SEMA6C: variants seen among roughly 807,000 people sequenced by gnomAD.
SEMA6C encodes the protein semaphorin 6C.
SEMA6C carries 37 observed loss-of-function variants against 72.9 expected under a neutral mutation model. The ratio of observed to expected loss-of-function variants is 0.51; its 90% CI spans 0.39 to 0.67. The LOEUF is 0.67. Among genes scored for constraint, SEMA6C ranks in the 30% least tolerant of loss-of-function variants. The pLI, the probability that SEMA6C is intolerant of heterozygous loss-of-function variation, is 0.00. For synonymous variants in SEMA6C, 578 were observed against 554.1 expected (o/e 1.04, Z -0.61); for missense variants, 1,189 against 1,263.6 (o/e 0.94, Z 0.89).
Position 151,142,575 on chromosome 1 carries a change from A to G in SEMA6C, c.47T>C (p.Leu16Pro), listed in dbSNP as rs1232754581. The change falls in exon 3 of 19, where the codon CTG becomes CCG. Residue 16 changes from leucine to proline, a missense_variant. Physicochemically the swap from Leu to Pro is moderately conservative, Grantham distance 98. This residue lies in a region of SEMA6C where 468 missense variants were observed against 577.4 expected (regional missense o/e 0.81). Coordinates refer to ENST00000368914, the MANE Select transcript of SEMA6C (RefSeq NM_030913.6). ...GGCCTGAGTATGGGGAAGTGAGAGC[A>G]GCAGCAGCAGTAGCAGCAAGGGCAT... Reference protein sequence around the residue: ...HFMPLLLLLLLLSLPHTQAAF... With the variant: ...HFMPLLLLLLPLSLPHTQAAF... 2 of 1,608,730 alleles carry G rather than the reference A, an allele frequency of 1.2e-6. No homozygotes were observed. The highest frequency in any genetic ancestry group is 2.2e-5 in the South Asian group (2 of 90,196).
chr1:151,140,134 T>C (rs1682409060), intron 3 of SEMA6C, 44 bp from the exon 4 acceptor site: 1 of 1,514,730 alleles, frequency 6.6e-7, no homozygotes, highest in African/African-American at 1.4e-5. Flanking sequence ...ACCACAAACT[T>C]CCCCAACACC....
At chr1:151,136,652 G>A (rs1682043967) in intron 11 of SEMA6C, 73 bp from the exon 12 acceptor site, 1 of 1,567,534 alleles carries the variant, frequency 6.4e-7, no homozygotes, top group Non-Finnish European at 8.7e-7. Context: ...AGAAGTGGTG[G>A]CACCCTTCAT....
In SEMA6C at chr1:151,135,523, C is replaced by T. The variant is rs936777068; in HGVS notation, c.1433+68G>A. On this transcript the variant is annotated intron_variant, in intron 14 of 18. Coordinates refer to ENST00000368914, the MANE Select transcript of SEMA6C (RefSeq NM_030913.6). ...AATGTTGATGTTTCCAACCTATTCC[C>T]GAATCTGCAGCTGCTACCTCCCATC... 65 of 1,542,150 alleles carry T rather than the reference C, an allele frequency of 4.2e-5. 1 individual carries two copies. In the African/African-American group the frequency reaches 5.6e-4, roughly 13 times the overall value.
At chr1:151,135,119 C>A in intron 15 of SEMA6C, 44 bp downstream of exon 15, 1 of 1,603,380 alleles carries the variant, frequency 6.2e-7, no homozygotes, top group Non-Finnish European at 8.5e-7. Context: ...CTTGCTGGCC[C>A]GGGGAGCTTG....
intron 3 of SEMA6C, 54 bp from the exon 4 acceptor site, chr1:151,140,144 C>T: frequency 6.9e-7 from 1 of 1,448,888 alleles, no homozygotes; most frequent in South Asian, 1.2e-5. Context: ...TCCCCAACAC[C>T]CTCTCCAACC....
In SEMA6C at chr1:151,133,492, G is replaced by A; in HGVS notation, c.1785C>T (p.Ala595=). The A allele has an allele frequency of 6.5e-7, 1 of 1,532,356 alleles. No homozygotes were observed. The highest frequency in any genetic ancestry group is 8.7e-7 in the Non-Finnish European group (1 of 1,143,560). 94.9% of individuals were successfully genotyped at this position (1,532,356 alleles called of 1,614,324 possible). A position where few individuals can be genotyped will look rare whatever the true frequency, so the allele number is the denominator to read the frequency against. Residue 595 remains alanine (A), a synonymous_variant, in exon 19 of 19, where the codon GCC becomes GCT. Coordinates refer to ENST00000368914, the MANE Select transcript of SEMA6C (RefSeq NM_030913.6). This position sits in a 1 kb window ranked among gnomAD's most constrained non-coding sequence, Gnocchi z 5.9. ...AYGVRRDLPP[A]SASRSVPIPL... ...GGATGGGGACGGAGCGGGAGGCCGA[G>A]GCTGGGGGCAGGTCCCGGCGCACGC... is the stretch of plus-strand genomic sequence containing the variant.
rs962913694 is a variant in SEMA6C at position 151,138,322 on chromosome 1, A to G, written c.541T>C (p.Phe181Leu). Residue 181 changes from phenylalanine to leucine, a missense_variant, in exon 8 of 19, where the codon TTT (phenylalanine) becomes CTT (leucine). Phe to Leu is a conservative substitution (Grantham distance 22, BLOSUM62 0). Around this residue, in one of 2 missense-constraint regions of SEMA6C, gnomAD observed 468 missense variants for 577.4 expected, o/e 0.81. Coordinates refer to ENST00000368914, the MANE Select transcript of SEMA6C (RefSeq NM_030913.6). ...FDATQSNVAI[F>L]AEGSLYSATA... ...CACATGCCCAGTTGCACACCTGCAA[A>G]GATGGCCACGTTGGACTGGGTGGCA... The G allele has an allele frequency of 6.2e-7, 1 of 1,613,950 alleles. No homozygotes were observed. The highest frequency in any genetic ancestry group is 8.5e-7 in the Non-Finnish European group (1 of 1,179,898).
chr1:151,137,438 T>A (rs1360184187), intron 10 of SEMA6C, among the ~76,000 whole-genome samples: 9 of 97,278 alleles, frequency 9.3e-5, no homozygotes, highest in South Asian at 7.9e-4. Context: ...AGAGCAAGAC[T>A]CCGTCTCAAA....
chr1:151,133,120 C>A lies in SEMA6C; in HGVS notation c.2157G>T (p.Trp719Cys). 1 of 1,565,972 alleles carries A rather than the reference C, an allele frequency of 6.4e-7. No homozygotes were observed. The highest frequency in any genetic ancestry group is 8.6e-7 in the Non-Finnish European group (1 of 1,167,532). The change falls in exon 19 of 19, where the codon TGG (tryptophan) becomes TGT (cysteine). Residue 719 changes from tryptophan (W) to cysteine (C), a missense_variant. Physicochemically the swap from Trp to Cys is radical, Grantham distance 215 (BLOSUM62 -2). Coordinates refer to ENST00000368914, the MANE Select transcript of SEMA6C (RefSeq NM_030913.6). This position sits in a 1 kb window ranked among gnomAD's most constrained non-coding sequence, Gnocchi z 5.9. Reference sequence around the variant, plus strand: ...CGTTGTTCCTGTTCTGGTTCCACTCCCAGGGGTCCCCGGCGGCGCGGAGGT... The same window carrying A: ...CGTTGTTCCTGTTCTGGTTCCACTCACAGGGGTCCCCGGCGGCGCGGAGGT... ...VKHLRAAGDPWEWNQNRNNAK... is the reference protein window; with the variant it reads ...VKHLRAAGDPCEWNQNRNNAK...
Position 151,136,872 on chromosome 1 carries a change from G to A in SEMA6C, c.959C>T (p.Thr320Ile), listed in dbSNP as rs1682061580. ...HGRSALFGVFTTQTNSIPGSA... is the reference protein window; with the variant it reads ...HGRSALFGVFITQTNSIPGSA... ...TAGTACCAACCTATTGGTCTGGGTG[G>A]TGAAGACCCCAAAGAGAGCAGAGCG... Residue 320 changes from threonine (T) to isoleucine (I), a missense_variant, in exon 11 of 19, where the codon ACC becomes ATC. Thr to Ile is a moderately conservative substitution (Grantham distance 89, BLOSUM62 -1). Transcript: ENST00000368914. The A allele has an allele frequency of 1.2e-6, 2 of 1,613,890 alleles. No homozygotes were observed. Among genetic ancestry groups the A allele is most frequent in the Non-Finnish European group, 1.7e-6 (2 of 1,179,974 alleles).
At chr1:151,136,611 GC>G (rs1259210694) in intron 11 of SEMA6C, 32 bp from the exon 12 acceptor site, 1 of 1,612,930 alleles carries the variant, frequency 6.2e-7, no homozygotes, top group Admixed American at 1.7e-5. Flanking sequence ...CAGGATAGGT[GC>G]TGAAAGGAAC....
At chr1:151,140,808 C>A (rs1459186128) in intron 3 of SEMA6C, among the ~76,000 whole-genome samples, 1 of 152,198 alleles carries the variant, frequency 6.6e-6, no homozygotes, top group Non-Finnish European at 1.5e-5. Context: ...TCCTGGCTAA[C>A]ATGGTGAAAC....
At chr1:151,139,912 A>T in intron 4 of SEMA6C, 64 bp downstream of exon 4, 1 of 1,487,192 alleles carries the variant, frequency 6.7e-7, no homozygotes, top group Non-Finnish European at 9.3e-7. Flanking sequence ...CAGTGGCCAT[A>T]CAGGTCCCAA....
chr1:151,132,173 T>A lies in SEMA6C; in HGVS notation c.*311A>T. ...CGCGCGGCCCGCCCGGGGCACAGTC[T>A]CTGGGGGAGCCCCGAGGGGCGAGTT... On this transcript the variant is annotated 3_prime_UTR_variant, in exon 19 of 19. Transcript: ENST00000368914. 1 of 1,421,400 alleles carries A rather than the reference T, an allele frequency of 7.0e-7. No individual in the cohort carries two copies. Among genetic ancestry groups the A allele is most frequent in the Non-Finnish European group, 9.3e-7 (1 of 1,076,012 alleles). 88.0% of individuals were successfully genotyped at this position (1,421,400 alleles called of 1,614,324 possible).
At chr1:151,143,398 C>T (rs1424025501) in intron 2 of SEMA6C, among the ~76,000 whole-genome samples, 3 of 152,174 alleles carry the variant, frequency 2.0e-5, no homozygotes, top group Admixed American at 6.5e-5. Flanking sequence ...TCTGCCCGAC[C>T]ACTGTGCCAC....
intron 3 of SEMA6C, among the ~76,000 whole-genome samples, chr1:151,141,583 G>A (rs1028256979): frequency 3.3e-5 from 5 of 151,906 alleles, no homozygotes; most frequent in African/African-American, 9.7e-5. Context: ...CTAATTTTTT[G>A]TATTTTTAGT....
Position 151,136,583 on chromosome 1 carries a change from G to A in SEMA6C, c.975-4C>T, listed in dbSNP as rs756424199. On this transcript the variant is annotated splice_region_variant and splice_polypyrimidine_tract_variant and intron_variant, in intron 11 of 18. Transcript: ENST00000368914. ...GCAGACGGCAGAGCCAGGGATGCTGGAGGAGCCAGAAAAGATGCAGGATAG... is the reference window on the plus strand; with the variant it reads ...GCAGACGGCAGAGCCAGGGATGCTGAAGGAGCCAGAAAAGATGCAGGATAG... 1 of 1,613,880 alleles carries A rather than the reference G, an allele frequency of 6.2e-7. No individual in the cohort carries two copies. Among genetic ancestry groups the A allele is most frequent in the Non-Finnish European group, 8.5e-7 (1 of 1,179,928 alleles).
rs1319269144 is a variant in SEMA6C at position 151,146,273 on chromosome 1, C to T, written c.-105+160G>A. 1 of 152,906 alleles carries T rather than the reference C, an allele frequency of 6.5e-6. No homozygotes were observed. The highest frequency in any genetic ancestry group is 1.5e-5 in the Non-Finnish European group (1 of 68,532). The allele number at this position is 152,906 out of a possible 1,614,324, so 9.5% of individuals were successfully genotyped here. On this transcript the variant is annotated intron_variant, in intron 1 of 18. Coordinates refer to ENST00000368914, the MANE Select transcript of SEMA6C (RefSeq NM_030913.6). The surrounding 1 kb of genome is among the most constrained non-coding windows in gnomAD (Gnocchi z 4.6). ...GGCTCGGCCACTGTCCCTCCTTCCTCCCTGCACCCCAATTTCGTTGACCCT... is the reference window on the plus strand; with the variant it reads ...GGCTCGGCCACTGTCCCTCCTTCCTTCCTGCACCCCAATTTCGTTGACCCT...
At position 151,136,937 on chromosome 1, in the gene SEMA6C, A is replaced by T; in HGVS notation, c.894T>A (p.Asp298Glu). The T allele has an allele frequency of 1.9e-6, 3 of 1,614,196 alleles. No individual in the cohort carries two copies. Among genetic ancestry groups the T allele is most frequent in the Non-Finnish European group, 2.5e-6 (3 of 1,180,038 alleles). Residue 298 changes from aspartate (D) to glutamate (E), a missense_variant, in exon 11 of 19, where the codon GAT (aspartate) becomes GAA (glutamate). By Grantham distance (45) the Asp-to-Glu change is conservative. Transcript: ENST00000368914. Reference sequence around the variant, plus strand: ...CAGGCCCAGTCAAGGCCTGTAAAACATCAAAATAGAAAGTAGAGTCCCCAG... The same window carrying T: ...CAGGCCCAGTCAAGGCCTGTAAAACTTCAAAATAGAAAGTAGAGTCCCCAG... ...SVPGDSTFYF[D>E]VLQALTGPVN...
Sources: allele counts gnomAD v4.1 joint callset (sites outside exome capture counted in the v4.1 genomes callset), GRCh38; gene constraint gnomAD v4.1.1; regional missense constraint gnomAD v4.1.1; non-coding constraint Gnocchi (gnomAD v3.1); transcripts MANE v1.5; gene names NCBI Gene and HGNC (gene_info 2026-07-23, HGNC 2026-07-21).